Variants in TRIO observed in about 807,000 individuals in gnomAD.
The protein encoded by TRIO is trio Rho guanine nucleotide exchange factor.
TRIO carries 58 observed loss-of-function variants against 351.9 expected under a neutral mutation model. The observed-to-expected ratio is 0.16, with a 90% CI of 0.13 to 0.21. TRIO has a LOEUF of 0.21. TRIO is among the 10% of genes least tolerant of loss of function. The pLI is 1.00. For missense variants in TRIO, 3,201 were observed against 4,027.8 expected (o/e 0.79, Z 5.56); for synonymous variants, 1,758 against 1,595.7 (o/e 1.10, Z -2.42).
chr5:14,178,872 A>T (rs1028000879), intron 1 of TRIO, among the ~76,000 whole-genome samples: 1 of 152,184 alleles, frequency 6.6e-6, no homozygotes, highest in Non-Finnish European at 1.5e-5. Flanking sequence ...CCTACAGCAC[A>T]TTTGAAGAAG....
intron 1 of TRIO, among the ~76,000 whole-genome samples, chr5:14,223,817 G>A (rs1792807155): frequency 2.0e-5 from 3 of 152,054 alleles, no homozygotes; most frequent in African/African-American, 7.3e-5. Context: ...AATTCCTATC[G>A]AATTTTAGTC....
chr5:14,360,236 G>A (rs1744025800), intron 13 of TRIO, among the ~76,000 whole-genome samples: 4 of 152,200 alleles, frequency 2.6e-5, no homozygotes, highest in Admixed American at 2.6e-4. Flanking sequence ...ACAGGAGAAA[G>A]AATTTACAGG....
chr5:14,223,461 C>T (rs536587480), intron 1 of TRIO, among the ~76,000 whole-genome samples: 2 of 152,300 alleles, frequency 1.3e-5, no homozygotes, highest in East Asian at 3.9e-4. Flanking sequence ...AGTTGCATCA[C>T]AGCCATGTCC....
chr5:14,235,912 A>AT (rs1468005681), intron 1 of TRIO, among the ~76,000 whole-genome samples: 1 of 152,058 alleles, frequency 6.6e-6, no homozygotes, highest in East Asian at 1.9e-4. Flanking sequence ...ATCTCCTTCC[A>AT]TTTTGGCCTC....
intron 1 of TRIO, among the ~76,000 whole-genome samples, chr5:14,252,473 G>C (rs1794800695): frequency 6.6e-6 from 1 of 152,216 alleles, no homozygotes; most frequent in African/African-American, 2.4e-5. Context: ...GCCCCAGCAG[G>C]TTGAACTCAC....
intron 1 of TRIO, among the ~76,000 whole-genome samples, chr5:14,244,068 G>A (rs999125394): frequency 6.6e-6 from 1 of 152,228 alleles, no homozygotes; most frequent in Non-Finnish European, 1.5e-5. Flanking sequence ...CTTCGGGTGC[G>A]TTGCTTAAAA....
chr5:14,216,174 C>G (rs934418061), intron 1 of TRIO, among the ~76,000 whole-genome samples: 1 of 152,156 alleles, frequency 6.6e-6, no homozygotes, highest in African/African-American at 2.4e-5. Flanking sequence ...TAGTAGCAAG[C>G]CTGCACAGAC....
Position 14,369,448 on chromosome 5 carries a change from G to A in TRIO, c.3141G>A (p.Leu1047=). 1 of 1,614,120 alleles carries A rather than the reference G, an allele frequency of 6.2e-7. No individual in the cohort carries two copies. The highest frequency in any genetic ancestry group is 1.3e-5 in the African/African-American group (1 of 75,052). The change falls in exon 18 of 57, where the codon CTG becomes CTA. Residue 1047 remains leucine (L), a synonymous_variant. Coordinates refer to ENST00000344204, the MANE Select transcript of TRIO (RefSeq NM_007118.4). ...EEDWCGGADK[L]GPNSETDHVT... Reference sequence around the variant, plus strand: ...ACTGGTGTGGCGGGGCGGATAAGCTGGGCCCAAACTCTGAGACGGACCACG... The same window carrying A: ...ACTGGTGTGGCGGGGCGGATAAGCTAGGCCCAAACTCTGAGACGGACCACG...
intron 1 of TRIO, among the ~76,000 whole-genome samples, chr5:14,241,260 G>C (rs1794109675): frequency 6.6e-6 from 1 of 152,130 alleles, no homozygotes; most frequent in Non-Finnish European, 1.5e-5. Flanking sequence ...CAAATTTATA[G>C]TTATTGTGTT....
chr5:14,390,629 T>A (rs1368897836), intron 26 of TRIO, among the ~76,000 whole-genome samples: 2 of 152,128 alleles, frequency 1.3e-5, no homozygotes, highest in Non-Finnish European at 2.9e-5. Flanking sequence ...CGTGCGGTCA[T>A]GCTGTCCAAA....
chr5:14,419,683 G>A, intron 33 of TRIO, 95 bp from the exon 34 acceptor site: 1 of 1,544,622 alleles, frequency 6.5e-7, no homozygotes, highest in Non-Finnish European at 8.8e-7. Flanking sequence ...CCGGGGCAGG[G>A]TGGCAGGAAC....
At chr5:14,435,578 T>C (rs1159617284) in intron 34 of TRIO, among the ~76,000 whole-genome samples, 4 of 152,248 alleles carry the variant, frequency 2.6e-5, no homozygotes, top group Non-Finnish European at 4.4e-5. Flanking sequence ...TACAACACTA[T>C]AGTGCTTACC....
At chr5:14,159,817 G>A (rs1788341452) in intron 1 of TRIO, among the ~76,000 whole-genome samples, 1 of 151,990 alleles carries the variant, frequency 6.6e-6, no homozygotes. Context: ...TGCCCGCCTC[G>A]GCCTCCCAAA....
intron 8 of TRIO, among the ~76,000 whole-genome samples, chr5:14,306,316 A>C (rs1738365257): frequency 6.6e-6 from 1 of 152,224 alleles, no homozygotes; most frequent in East Asian, 1.9e-4. Flanking sequence ...TTGGTTGTCT[A>C]GTCTGTTAGA....
intron 14 of TRIO, among the ~76,000 whole-genome samples, chr5:14,364,378 CA>C (rs113176817): frequency 2.0e-5 from 3 of 151,846 alleles, no homozygotes; most frequent in Non-Finnish European, 4.4e-5. Context: ...AGGATAACAA[CA>C]AAAAAAACCC....
intron 21 of TRIO, among the ~76,000 whole-genome samples, chr5:14,381,851 TG>T (rs1191598216): frequency 6.6e-6 from 1 of 152,264 alleles, no homozygotes; most frequent in Non-Finnish European, 1.5e-5. Context: ...ATTATCTTTA[TG>T]GCATATGCCA....
At chr5:14,299,908 C>G (rs1382248613) in intron 7 of TRIO, among the ~76,000 whole-genome samples, 1 of 152,220 alleles carries the variant, frequency 6.6e-6, no homozygotes, top group Non-Finnish European at 1.5e-5. Context: ...CCTGCCCTCT[C>G]TCTCCATGGG....
chr5:14,240,740 T>G (rs1467368438), intron 1 of TRIO, among the ~76,000 whole-genome samples: 2 of 152,206 alleles, frequency 1.3e-5, no homozygotes. Flanking sequence ...TCACTGAAGG[T>G]GAAAAGTTCT....
chr5:14,170,546 G>A (rs979376164), intron 1 of TRIO, among the ~76,000 whole-genome samples: 4 of 136,742 alleles, frequency 2.9e-5, no homozygotes, highest in Non-Finnish European at 6.1e-5. Context: ...TTGCTTTGTC[G>A]CCTAGCCTGG....
Sources: gnomAD v4.1 joint callset for allele counts (sites outside exome capture counted in the v4.1 genomes callset) on GRCh38, gnomAD v4.1.1 for gene constraint, MANE v1.5 for transcripts, NCBI Gene and HGNC (gene_info 2026-07-23, HGNC 2026-07-21) for gene names.